The following NQO1 variants were observed in gnomAD, a reference collection of about 807,000 sequenced individuals.
NQO1 encodes NAD(P)H dehydrogenase [quinone] 1.
In NQO1, 30 loss-of-function variants were observed where a neutral mutation model predicts 32.1. The ratio of observed to expected loss-of-function variants is 0.94; its 90% CI spans 0.70 to 1.27. The LOEUF (loss-of-function observed/expected upper bound fraction) is 1.27. Ranked by LOEUF, NQO1 falls within the 50% of genes most tolerant of loss-of-function variation. The probability of loss-of-function intolerance (pLI) is 0.00; values close to 1 mark genes in which losing one functional copy is unlikely to be tolerated. For synonymous variants in NQO1, 109 were observed against 119.7 expected (o/e 0.91, Z 0.59); for missense variants, 276 against 331.3 (o/e 0.83, Z 1.30).
At chr16:69,715,366 A>C (rs530778797) in intron 3 of NQO1, among the ~76,000 whole-genome samples, 1 of 152,264 alleles carries the variant, frequency 6.6e-6, no homozygotes. Context: ...ATGAAATCAC[A>C]TTTGGCAGCA....
At chr16:69,713,323 G>A (rs375584919) in intron 4 of NQO1, among the ~76,000 whole-genome samples, 194 bp from the exon 5 acceptor site, 16 of 152,136 alleles carry the variant, frequency 1.1e-4, no homozygotes, top group East Asian at 1.9e-4. Flanking sequence ...TCTACAGACC[G>A]GTGGCCTGGG....
At chr16:69,725,133 C>T (rs1201184648) in intron 1 of NQO1, among the ~76,000 whole-genome samples, 1 of 152,202 alleles carries the variant, frequency 6.6e-6, no homozygotes, top group East Asian at 1.9e-4. Context: ...GCTGTCTCTG[C>T]CAGTAACTCA....
chr16:69,726,325 G>T lies in NQO1; in HGVS notation c.7+108C>A, dbSNP rs2038261441. 3 of 1,467,790 alleles carry T rather than the reference G, an allele frequency of 2.0e-6. No homozygotes were observed. The African/African-American group carries it at 4.2e-5, about 21-fold the overall frequency. 90.9% of individuals were successfully genotyped at this position (1,467,790 alleles called of 1,614,324 possible). A position where few individuals can be genotyped will look rare whatever the true frequency, so the allele number is the denominator to read the frequency against. The stretch of plus-strand genomic sequence containing the variant: ...AGGTCCCTAATCTCTTCCCTTTGTG[G>T]GTTTTGAGTCAAGGAACAAAATTCA... On this transcript the variant is annotated intron_variant, in intron 1 of 5. Transcript: ENST00000320623.
In NQO1 at chr16:69,718,500, C is replaced by T. The variant is rs2038146630; in HGVS notation, c.42G>A (p.Glu14=). 6.2e-7 allele frequency: 1 copy of T among 1,613,998 alleles called. No individual in the cohort carries two copies. Among genetic ancestry groups the T allele is most frequent in the African/African-American group, 1.3e-5 (1 of 74,930 alleles). The change falls in exon 2 of 6, where the codon GAG becomes GAA. Residue 14 remains glutamate, a synonymous_variant. Coordinates refer to ENST00000320623, the MANE Select transcript of NQO1 (RefSeq NM_000903.3). ...TCATGGCATAGTTGAAGGACGTCCT[C>T]TCTGAGTGAGCCAGTACGATCAGTG... ...RRALIVLAHS[E]RTSFNYAMKE...
At chr16:69,715,183 C>A (rs1325040231) in intron 3 of NQO1, 106 bp from the exon 4 acceptor site, 2 of 758,446 alleles carry the variant, frequency 2.6e-6, no homozygotes, top group Non-Finnish European at 4.7e-6. Context: ...GTGGGAAGCC[C>A]CTCTTCACAC....
intron 3 of NQO1, among the ~76,000 whole-genome samples, chr16:69,717,333 T>C (rs2151744968): frequency 6.6e-6 from 1 of 152,294 alleles, no homozygotes; most frequent in South Asian, 2.1e-4. Flanking sequence ...AGGAACACAT[T>C]CAGCAGGGTT....
intron 1 of NQO1, among the ~76,000 whole-genome samples, chr16:69,723,520 G>A (rs547652400): frequency 2.0e-4 from 31 of 152,258 alleles, no homozygotes; most frequent in Admixed American, 3.9e-4. Context: ...GTTGTGGGTG[G>A]GTCGCGGTGG....
intron 1 of NQO1, 32 bp downstream of exon 1, chr16:69,726,400 AC>A (rs1167423884): frequency 6.2e-7 from 1 of 1,611,158 alleles, no homozygotes; most frequent in Admixed American, 1.7e-5. Context: ...TCGAGAGACG[AC>A]CGCCAAGCAC....
In NQO1 at chr16:69,709,486, A is replaced by C. The variant is rs2038008507; in HGVS notation, c.*1490T>G. 1 of 323,808 alleles carries C rather than the reference A, an allele frequency of 3.1e-6. No individual in the cohort carries two copies. The highest frequency in any genetic ancestry group is 1.6e-4 in the South Asian group (1 of 6,392). 20.1% of individuals were successfully genotyped at this position (323,808 alleles called of 1,614,324 possible). A position where few individuals can be genotyped will look rare whatever the true frequency, so the allele number is the denominator to read the frequency against. On this transcript the variant is annotated 3_prime_UTR_variant, in exon 6 of 6. Coordinates refer to ENST00000320623, the MANE Select transcript of NQO1 (RefSeq NM_000903.3). ...AATTGCAGTGAAGATGAAGGCAACA[A>C]AATATTTTCAAACTGAAACACCCAG...
chr16:69,720,288 A>T (rs1424541334), intron 1 of NQO1, among the ~76,000 whole-genome samples: 2 of 152,112 alleles, frequency 1.3e-5, no homozygotes, highest in Non-Finnish European at 2.9e-5. Flanking sequence ...AAATTAAAAA[A>T]ATTAAAATGA....
intron 1 of NQO1, among the ~76,000 whole-genome samples, chr16:69,724,439 G>C (rs574659407): frequency 3.8e-4 from 58 of 151,642 alleles, no homozygotes; most frequent in Admixed American, 7.2e-4. Flanking sequence ...CAGTCCTCCC[G>C]CCTCAGCCTC....
At position 69,714,079 on chromosome 16, in the gene NQO1, G is replaced by A. The variant is rs550430040; in HGVS notation, c.417+885C>T. Reference sequence around the variant, plus strand: ...TTTTTAGTAGAGACGGGGTTTCGCCGTGTTAGGCAGGATAGTCTTGATCTC... The same window carrying A: ...TTTTTAGTAGAGACGGGGTTTCGCCATGTTAGGCAGGATAGTCTTGATCTC... On this transcript the variant is annotated intron_variant, in intron 4 of 5. Coordinates refer to ENST00000320623, the MANE Select transcript of NQO1 (RefSeq NM_000903.3). Among the ~76,000 whole-genome samples, 15 of 151,078 alleles carry A rather than the reference G, an allele frequency of 9.9e-5. No homozygotes were observed. The South Asian group carries it at 1.5e-3, about 15-fold the overall frequency.
At position 69,718,440 on chromosome 16, in the gene NQO1, TC is replaced by T. The variant is rs760466632; in HGVS notation, c.101del (p.Gly34AspfsTer12). The T allele has an allele frequency of 2.9e-5, 46 of 1,614,000 alleles. No homozygotes were observed. Among genetic ancestry groups the T allele is most frequent in the Non-Finnish European group, 1.2e-5 (14 of 1,180,020 alleles). Reference protein sequence around the residue: ...EAAAAALKKKGWEVVESDLYA... With the variant: ...EAAAAALKKKXWEVVESDLYA... ...AGAGGTCCGACTCCACCACCTCCCA[TC>T]CTTTCTTCTTCAAAGCCGCTGCAGC... is the stretch of plus-strand genomic sequence containing the variant. On this transcript the variant is annotated frameshift_variant, in exon 2 of 6. Transcript: ENST00000320623. LOFTEE classifies it high-confidence loss of function.
At chr16:69,723,704 A>C (rs1041936377) in intron 1 of NQO1, among the ~76,000 whole-genome samples, 3 of 151,968 alleles carry the variant, frequency 2.0e-5, no homozygotes, top group African/African-American at 7.3e-5. Flanking sequence ...CGGGAGGCTG[A>C]GGCAGGAGAA....
At chr16:69,718,614 G>C in intron 1 of NQO1, 80 bp from the exon 2 acceptor site, 2 of 1,458,654 alleles carry the variant, frequency 1.4e-6, no homozygotes, top group South Asian at 2.5e-5. Flanking sequence ...GTTGCAGTCT[G>C]TAAAGGAGGG....
At chr16:69,711,391 C>G (rs1302982032) in intron 5 of NQO1, 110 bp from the exon 6 acceptor site, 1 of 829,698 alleles carries the variant, frequency 1.2e-6, no homozygotes, top group African/African-American at 1.7e-5. Context: ...ATAAGGAGGC[C>G]TCAGGCACAC....
Position 69,710,777 on chromosome 16 carries a change from TTTTGGTTATATGCCATGATAGTAA to T in NQO1, c.*175_*198del. 1 of 614,996 alleles carries T rather than the reference TTTTGGTTATATGCCATGATAGTAA, an allele frequency of 1.6e-6. No homozygotes were observed. Among genetic ancestry groups the T allele is most frequent in the East Asian group, 2.9e-5 (1 of 34,688 alleles). The allele number at this position is 614,996 out of a possible 1,614,324, so 38.1% of individuals were successfully genotyped here. ...AAGTGGCCTCTTGAGCCCAGTCGGATTTTGGTTATATGCCATGATAGTAATCATAAGAATCAGTTAAAAATGATC... is the reference window on the plus strand; with the variant it reads ...AAGTGGCCTCTTGAGCCCAGTCGGATTCATAAGAATCAGTTAAAAATGATC... On this transcript the variant is annotated 3_prime_UTR_variant, in exon 6 of 6. Coordinates refer to ENST00000320623, the MANE Select transcript of NQO1 (RefSeq NM_000903.3).
chr16:69,726,399 G>A lies in NQO1; in HGVS notation c.7+34C>T, dbSNP rs748889205. The A allele has an allele frequency of 1.6e-5, 25 of 1,610,826 alleles. No homozygotes were observed. The East Asian group carries it at 3.4e-4, about 22-fold the overall frequency. On this transcript the variant is annotated intron_variant, in intron 1 of 5. Transcript: ENST00000320623. ...CCACAGGCACCAGTGCTCGAGAGAC[G>A]ACCGCCAAGCACCCCGCCCTTTGCA...
At position 69,709,600 on chromosome 16, in the gene NQO1, C is replaced by T; in HGVS notation, c.*1376G>A. ...GGAGGTTTTCCAGCTCGGTCCAATC[C>T]CTTCATTTTCTTGGCAAGTAAGAGG... On this transcript the variant is annotated 3_prime_UTR_variant, in exon 6 of 6. Transcript: ENST00000320623. 1 of 393,346 alleles carries T rather than the reference C, an allele frequency of 2.5e-6. No individual in the cohort carries two copies. The highest frequency in any genetic ancestry group is 4.5e-6 in the Non-Finnish European group (1 of 223,284). The allele number at this position is 393,346 out of a possible 1,614,324, so 24.4% of individuals were successfully genotyped here.
Sources: gnomAD v4.1 joint callset for allele counts (sites outside exome capture counted in the v4.1 genomes callset) on GRCh38, gnomAD v4.1.1 for gene constraint, MANE v1.5 for transcripts, NCBI Gene and HGNC (gene_info 2026-07-23, HGNC 2026-07-21) for gene names.